LAIR1: variants seen among roughly 807,000 people sequenced by gnomAD.
The protein encoded by LAIR1 is leukocyte associated immunoglobulin like receptor 1.
Under a neutral mutation model 32.8 loss-of-function variants are expected in LAIR1, and 24 were observed. The observed-to-expected ratio is 0.73, with a 90% CI of 0.53 to 1.03. The LOEUF is 1.03. Among genes scored for constraint, LAIR1 ranks in the 50% least tolerant of loss-of-function variants. The pLI is 0.00. For synonymous variants in LAIR1, 150 were observed against 140.5 expected, an observed-to-expected ratio of 1.07 and a Z score of -0.48; for missense variants, 355 against 347.5, an observed-to-expected ratio of 1.02 and a Z score of -0.17.
Position 54,361,188 on chromosome 19 carries a change from A to T in LAIR1, c.92T>A (p.Ile31Asn). Residue 31 changes from isoleucine to asparagine, a missense_variant, in exon 3 of 10, where the codon ATC becomes AAC. Physicochemically the swap from Ile to Asn is moderately radical, Grantham distance 149. Coordinates refer to ENST00000391742, the MANE Select transcript of LAIR1 (RefSeq NM_002287.6). ...GATCACGGTGCCTGGCTCAGCCGAGATGGAGGGTCTGGGCAGATCTTCTAG... is the reference window on the plus strand; with the variant it reads ...GATCACGGTGCCTGGCTCAGCCGAGTTGGAGGGTCTGGGCAGATCTTCTAG... ...TQEEDLPRPS[I>N]SAEPGTVIPL... is the part of the protein sequence containing the mutation. 1 of 1,614,194 alleles carries T rather than the reference A, an allele frequency of 6.2e-7. No homozygotes were observed. The highest frequency in any genetic ancestry group is 1.1e-5 in the South Asian group (1 of 91,084).
At chr19:54,361,509 C>T (rs1452835815) in intron 2 of LAIR1, among the ~76,000 whole-genome samples, 2 of 151,970 alleles carry the variant, frequency 1.3e-5, no homozygotes, top group East Asian at 1.9e-4. Flanking sequence ...ATGCCTGCTG[C>T]AGAGCCCAGG....
upstream of LAIR1, among the ~76,000 whole-genome samples, chr19:54,372,897 G>A (rs1358636239): frequency 4.0e-5 from 6 of 151,464 alleles, no homozygotes; most frequent in Admixed American, 1.3e-4. Context: ...TTGGAAGGTC[G>A]AGGCGGATGG....
upstream of LAIR1, chr19:54,370,648 C>T (rs1272276701): frequency 2.8e-5 from 6 of 215,556 alleles, no homozygotes; most frequent in Admixed American, 5.8e-5. Flanking sequence ...AAGCTCCAGC[C>T]GCAGGCACGG....
rs2081605407 is a variant in LAIR1 at position 54,354,228 on chromosome 19, T to A, written c.*1040A>T. 6.6e-6 allele frequency: 1 copy of A among 152,238 alleles called. No homozygotes were observed. Among genetic ancestry groups the A allele is most frequent in the African/African-American group, 2.4e-5 (1 of 41,448 alleles). 9.4% of individuals were successfully genotyped at this position (152,238 alleles called of 1,614,324 possible). Reference sequence around the variant, plus strand: ...TGGGGCGTGTGAGTGTATGTGCATGTCTGTGTGTGTGCGTGTGTGTATGCA... The same window carrying A: ...TGGGGCGTGTGAGTGTATGTGCATGACTGTGTGTGTGCGTGTGTGTATGCA... On this transcript the variant is annotated 3_prime_UTR_variant, in exon 10 of 10. Transcript: ENST00000391742.
chr19:54,373,379 G>A (rs974482535), upstream of LAIR1, among the ~76,000 whole-genome samples: 5 of 152,108 alleles, frequency 3.3e-5, no homozygotes, highest in African/African-American at 1.2e-4. Context: ...GGGAGGCGGA[G>A]CTTGCAGTGA....
chr19:54,363,512 C>T (rs796470547), intron 2 of LAIR1, among the ~76,000 whole-genome samples: 7 of 152,144 alleles, frequency 4.6e-5, no homozygotes, highest in African/African-American at 1.4e-4. Context: ...GTGACCGCAG[C>T]ACTACTCACA....
Position 54,364,829 on chromosome 19 carries a change from T to C in LAIR1, c.-25A>G, listed in dbSNP as rs374283827. The C allele has an allele frequency of 4.7e-4, 758 of 1,614,004 alleles. 1 individual carries two copies. The highest frequency in any genetic ancestry group is 6.6e-4 in the Middle Eastern group (4 of 6,084). On this transcript the variant is annotated 5_prime_UTR_variant, in exon 1 of 10. Coordinates refer to ENST00000391742, the MANE Select transcript of LAIR1 (RefSeq NM_002287.6). This position sits in a 1 kb window ranked among gnomAD's most constrained non-coding sequence, Gnocchi z 4.8. ...TGGCCCAGGTCCCAGCAGTGCAGCC[T>C]GGCCTGAGGCGCACCAATGCAAGGA...
chr19:54,355,835 G>T lies in LAIR1; in HGVS notation c.717+119C>A. ...GGGCGACCTCTCGACAGCAACCTCA[G>T]GACAGGCCGTGAGCCGGAACCGCCC... On this transcript the variant is annotated intron_variant, in intron 9 of 9. Transcript: ENST00000391742. The surrounding 1 kb of genome is among the most constrained non-coding windows in gnomAD (Gnocchi z 4.7). The T allele has an allele frequency of 1.4e-6, 1 of 736,974 alleles. No individual in the cohort carries two copies. 45.7% of individuals were successfully genotyped at this position (736,974 alleles called of 1,614,324 possible).
chr19:54,367,966 G>C (rs1258741101), upstream of LAIR1, among the ~76,000 whole-genome samples: 1 of 151,084 alleles, frequency 6.6e-6, no homozygotes, highest in Non-Finnish European at 1.5e-5. Flanking sequence ...TAGAGACGGG[G>C]TTTCACCTTG....
chr19:54,372,250 G>T (rs2082423010), upstream of LAIR1, among the ~76,000 whole-genome samples: 1 of 151,594 alleles, frequency 6.6e-6, no homozygotes, highest in South Asian at 2.1e-4. Flanking sequence ...CACCAGCAAT[G>T]AATGAGAGTT....
Position 54,360,938 on chromosome 19 carries a change from G to C in LAIR1, c.342C>G (p.Asp114Glu), listed in dbSNP as rs1405830299. Reference protein sequence around the residue: ...YKPPKWSEQSDYLELLVKESS... With the variant: ...YKPPKWSEQSEYLELLVKESS... ...CACCTTTCACCAGCAGCTCCAGGTA[G>C]TCACTCTGCTCAGACCATTTAGGGG... is the stretch of plus-strand genomic sequence containing the variant. Residue 114 changes from aspartate (D) to glutamate (E), a missense_variant, in exon 3 of 10, where the codon GAC becomes GAG. Physicochemically the swap from Asp to Glu is conservative, Grantham distance 45. Transcript: ENST00000391742. 5 of 1,613,368 alleles carry C rather than the reference G, an allele frequency of 3.1e-6. No homozygotes were observed.
At position 54,352,619 on chromosome 19, in the gene LAIR1, C is replaced by T. The variant is rs771344384; in HGVS notation, c.*2649G>A. Reference sequence around the variant, plus strand: ...TCTGTCCTGCTTTCCACTGTGACCTCACCACCTGAACTTCCTGGACTTCCT... The same window carrying T: ...TCTGTCCTGCTTTCCACTGTGACCTTACCACCTGAACTTCCTGGACTTCCT... On this transcript the variant is annotated 3_prime_UTR_variant, in exon 10 of 10. Transcript: ENST00000391742. 2 of 153,812 alleles carry T rather than the reference C, an allele frequency of 1.3e-5. 1 individual carries two copies. Among genetic ancestry groups the T allele is most frequent in the Admixed American group, 1.3e-4 (2 of 15,286 alleles). 9.5% of individuals were successfully genotyped at this position (153,812 alleles called of 1,614,324 possible).
exon 1 of LAIR1, chr19:54,370,356 C>G: frequency 7.9e-7 from 1 of 1,259,158 alleles, no homozygotes; most frequent in Non-Finnish European, 1.1e-6. Flanking sequence ...CTGTGCCTGG[C>G]TTTGTCCTGA....
In LAIR1 at chr19:54,355,829, A is replaced by G. The variant is rs556609211; in HGVS notation, c.717+125T>C. 1.4e-5 allele frequency: 10 copies of G among 705,350 alleles called. No individual in the cohort carries two copies. Among genetic ancestry groups the G allele is most frequent in the Non-Finnish European group, 2.5e-5 (10 of 394,076 alleles). 43.7% of individuals were successfully genotyped at this position (705,350 alleles called of 1,614,324 possible). A position where few individuals can be genotyped will look rare whatever the true frequency, so the allele number is the denominator to read the frequency against. On this transcript the variant is annotated intron_variant, in intron 9 of 9. Coordinates refer to ENST00000391742, the MANE Select transcript of LAIR1 (RefSeq NM_002287.6). This position sits in a 1 kb window ranked among gnomAD's most constrained non-coding sequence, Gnocchi z 4.7. ...AGCCCTGGGCGACCTCTCGACAGCA[A>G]CCTCAGGACAGGCCGTGAGCCGGAA...
At chr19:54,358,914 T>C in intron 4 of LAIR1, among the ~76,000 whole-genome samples, 1 of 151,822 alleles carries the variant, frequency 6.6e-6, no homozygotes, top group African/African-American at 2.4e-5. Context: ...CCTTTATATG[T>C]CACTGCATGA....
In LAIR1 at chr19:54,355,559, G is replaced by A. The variant is rs1437622360; in HGVS notation, c.718-145C>T. 3 of 692,312 alleles carry A rather than the reference G, an allele frequency of 4.3e-6. No homozygotes were observed. The highest frequency in any genetic ancestry group is 7.1e-6 in the Non-Finnish European group (3 of 422,628). The allele number at this position is 692,312 out of a possible 1,614,324, so 42.9% of individuals were successfully genotyped here. A position where few individuals can be genotyped will look rare whatever the true frequency, so the allele number is the denominator to read the frequency against. ...TCCGTGTGAAGAGCCCTCCCACAGG[G>A]TATTGGGGTTGGTTTACGTGACAAT... On this transcript the variant is annotated intron_variant, in intron 9 of 9. Transcript: ENST00000391742. This position sits in a 1 kb window ranked among gnomAD's most constrained non-coding sequence, Gnocchi z 4.7.
upstream of LAIR1, among the ~76,000 whole-genome samples, chr19:54,367,742 T>C (rs2082297193): frequency 6.9e-6 from 1 of 144,574 alleles, no homozygotes; most frequent in Non-Finnish European, 1.5e-5. Context: ...CCAGACTCCA[T>C]CTAAAAAAAT....
intron 2 of LAIR1, among the ~76,000 whole-genome samples, chr19:54,363,407 G>C (rs866854084): frequency 6.6e-6 from 1 of 151,998 alleles, no homozygotes; most frequent in South Asian, 2.1e-4. Flanking sequence ...GTGTGGGCTC[G>C]TCTGGGGAAA....
At chr19:54,369,161 T>G (rs2082343708), upstream of LAIR1, among the ~76,000 whole-genome samples, 1 of 150,692 alleles carries the variant, frequency 6.6e-6, no homozygotes, top group Non-Finnish European at 1.5e-5. Context: ...ACTGGTACAA[T>G]AATTAACTGA....
Sources: allele counts gnomAD v4.1 joint callset (sites outside exome capture counted in the v4.1 genomes callset), GRCh38; gene constraint gnomAD v4.1.1; non-coding constraint Gnocchi (gnomAD v3.1); transcripts MANE v1.5; gene names NCBI Gene and HGNC (gene_info 2026-07-23, HGNC 2026-07-21).